The following ABCB1 variants were observed in gnomAD, a reference collection of about 807,000 sequenced individuals.
ABCB1 encodes ATP binding cassette subfamily B member 1, also known as ATP-dependent translocase ABCB1.
Under a neutral mutation model 142.0 loss-of-function variants are expected in ABCB1, and 69 were observed. That is an observed-to-expected ratio of 0.49 (90% CI 0.40 to 0.59). ABCB1 has a LOEUF of 0.59. Among genes scored for constraint, ABCB1 ranks in the 20% least tolerant of loss-of-function variants. ABCB1 has a pLI of 0.00. For missense variants in ABCB1, 1,326 were observed against 1,554.7 expected, an observed-to-expected ratio of 0.85 and a Z score of 2.47; for synonymous variants, 532 against 539.2, an observed-to-expected ratio of 0.99 and a Z score of 0.18.
At chr7:87,578,850 C>T (rs1238461798) in intron 4 of ABCB1, among the ~76,000 whole-genome samples, 4 of 151,648 alleles carry the variant, frequency 2.6e-5, no homozygotes, top group Admixed American at 1.3e-4. Context: ...CCCGCCACCA[C>T]GCCCGGCTAA....
chr7:87,593,371 G>A (rs1819073132), intron 3 of ABCB1, among the ~76,000 whole-genome samples: 1 of 152,124 alleles, frequency 6.6e-6, no homozygotes, highest in Admixed American at 6.5e-5. Flanking sequence ...AATTTAAAAG[G>A]CTAGTATAGA....
At chr7:87,527,281 C>T (rs758140157) in intron 21 of ABCB1, among the ~76,000 whole-genome samples, 8 of 152,112 alleles carry the variant, frequency 5.3e-5, no homozygotes, top group Non-Finnish European at 1.2e-4. Context: ...ATAGGTATGC[C>T]TTTCTCACAG....
chr7:87,627,620 A>AGT (rs1247757895), intron 1 of ABCB1: 1 of 152,280 alleles, frequency 6.6e-6, no homozygotes, highest in East Asian at 1.9e-4. Flanking sequence ...AACGGTGGGT[A>AGT]GTGAGAAGCT....
In ABCB1 at chr7:87,553,930, T is replaced by C; in HGVS notation, c.830A>G (p.Tyr277Cys). Residue 277 changes from tyrosine to cysteine, a missense_variant and splice_region_variant, in exon 9 of 28, where the codon TAC (tyrosine) becomes TGC (cysteine). Coordinates refer to ENST00000622132, the MANE Select transcript of ABCB1 (RefSeq NM_001348946.2). ...TTTAGCTTCTTCTAAATTTTTGTTGTACCTGAGAAAAAGAACAAAAATGAT... is the reference window on the plus strand; with the variant it reads ...TTTAGCTTCTTCTAAATTTTTGTTGCACCTGAGAAAAAGAACAAAAATGAT... ...FGGQKKELER[Y>C]NKNLEEAKRI... 6.2e-7 allele frequency: 1 copy of C among 1,612,280 alleles called. No individual in the cohort carries two copies. The highest frequency in any genetic ancestry group is 8.5e-7 in the Non-Finnish European group (1 of 1,178,362).
Position 87,521,789 on chromosome 7 carries a change from T to A in ABCB1, c.2686-913A>T. 3.8e-6 allele frequency: 3 copies of A among 795,812 alleles called. No individual in the cohort carries two copies. The East Asian group carries it at 7.3e-5, about 19-fold the overall frequency. The allele number at this position is 795,812 out of a possible 1,614,324, so 49.3% of individuals were successfully genotyped here. A position where few individuals can be genotyped will look rare whatever the true frequency, so the allele number is the denominator to read the frequency against. ...CACCCAACTGTGAAAAAGATATTTG[T>A]TGGTGGCATTAAAGACACTGAAGAA... On this transcript the variant is annotated intron_variant, in intron 21 of 27. Transcript: ENST00000622132.
Position 87,518,218 on chromosome 7 carries a change from C to T in ABCB1, c.2927+1108G>A, listed in dbSNP as rs551379618. ...GTTTAACTAGCACTAAATAAAATACCGATAGTTAATCTTGGACTTGTGATC... is the reference window on the plus strand; with the variant it reads ...GTTTAACTAGCACTAAATAAAATACTGATAGTTAATCTTGGACTTGTGATC... On this transcript the variant is annotated intron_variant, in intron 23 of 27. Coordinates refer to ENST00000622132, the MANE Select transcript of ABCB1 (RefSeq NM_001348946.2). 2.6e-5 allele frequency among the ~76,000 whole-genome samples: 4 copies of T among 152,190 alleles called. No homozygotes were observed. In the East Asian group the frequency reaches 5.8e-4, roughly 22 times the overall value.
At chr7:87,621,809 T>A (rs973376033) in intron 1 of ABCB1, among the ~76,000 whole-genome samples, 9 of 152,136 alleles carry the variant, frequency 5.9e-5, no homozygotes, top group Admixed American at 5.9e-4. Flanking sequence ...GAAACATTAA[T>A]GTTAGCTGTT....
intron 1 of ABCB1, among the ~76,000 whole-genome samples, chr7:87,658,207 A>G (rs1824315771): frequency 6.6e-6 from 1 of 152,212 alleles, no homozygotes. Context: ...TGGAAGATAC[A>G]AAGAAGACCA....
intron 14 of ABCB1, 89 bp from the exon 15 acceptor site, chr7:87,546,113 G>T: frequency 7.5e-7 from 1 of 1,325,838 alleles, no homozygotes; most frequent in Non-Finnish European, 1.1e-6. Flanking sequence ...AACCAATGCT[G>T]TGGGCATTGT....
chr7:87,676,715 A>G (rs1826399455), intron 1 of ABCB1, among the ~76,000 whole-genome samples: 1 of 151,278 alleles, frequency 6.6e-6, no homozygotes, highest in Non-Finnish European at 1.5e-5. Flanking sequence ...AAAAAAAAAA[A>G]AAAAAAAAAA....
In ABCB1 at chr7:87,509,500, A is replaced by G; in HGVS notation, c.3283-19T>C. ...CAAGCAGCTGAAAACAAGAGTTCACAGATCAACTTCAGGACCAGCACACTT... is the reference window on the plus strand; with the variant it reads ...CAAGCAGCTGAAAACAAGAGTTCACGGATCAACTTCAGGACCAGCACACTT... On this transcript the variant is annotated intron_variant, in intron 25 of 27. Coordinates refer to ENST00000622132, the MANE Select transcript of ABCB1 (RefSeq NM_001348946.2). 1 of 1,612,836 alleles carries G rather than the reference A, an allele frequency of 6.2e-7. No individual in the cohort carries two copies. The highest frequency in any genetic ancestry group is 8.5e-7 in the Non-Finnish European group (1 of 1,179,260).
intron 20 of ABCB1, among the ~76,000 whole-genome samples, chr7:87,533,188 A>G (rs1300792090): frequency 1.3e-5 from 2 of 152,140 alleles, no homozygotes. Context: ...TGAAGGTCAA[A>G]GGATGCAAGC....
chr7:87,560,888 T>A (rs956579641), intron 8 of ABCB1, among the ~76,000 whole-genome samples: 22 of 152,086 alleles, frequency 1.4e-4, no homozygotes, highest in African/African-American at 5.3e-4. Flanking sequence ...GTCAGCTGAA[T>A]AGGGGCAGAA....
intron 1 of ABCB1, among the ~76,000 whole-genome samples, chr7:87,622,801 AG>A (rs1820271660): frequency 6.6e-6 from 1 of 152,062 alleles, no homozygotes; most frequent in African/African-American, 2.4e-5. Context: ...GGGGCCAAGA[AG>A]GGAGGATCGC....
intron 1 of ABCB1, among the ~76,000 whole-genome samples, chr7:87,686,383 A>C (rs1827459207): frequency 6.6e-6 from 1 of 152,200 alleles, no homozygotes. Flanking sequence ...ACAAAGGAGT[A>C]TATCTGTTTT....
At chr7:87,592,039 T>TAG (rs1819019753) in intron 3 of ABCB1, among the ~76,000 whole-genome samples, 1 of 152,146 alleles carries the variant, frequency 6.6e-6, no homozygotes, top group Admixed American at 6.5e-5. Flanking sequence ...CCACTGAATG[T>TAG]AGAGAGAGAC....
rs201142514 is a variant in ABCB1 at position 87,536,539 on chromosome 7, A to G, written c.2400T>C (p.Asp800=). ...YMVFRSMLRQ[D]VSWFDDPKNT... is the part of the protein sequence containing the mutation. Reference sequence around the variant, plus strand: ...TTTTAGGGTCATCAAACCAACTCACATCCTGTGGCACAGAAAATGATTTTA... The same window carrying G: ...TTTTAGGGTCATCAAACCAACTCACGTCCTGTGGCACAGAAAATGATTTTA... Residue 800 remains aspartate, a splice_region_variant and synonymous_variant, in exon 20 of 28, where the codon GAT becomes GAC. Coordinates refer to ENST00000622132, the MANE Select transcript of ABCB1 (RefSeq NM_001348946.2). 5.0e-6 allele frequency: 8 copies of G among 1,613,682 alleles called. No homozygotes were observed. Among genetic ancestry groups the G allele is most frequent in the African/African-American group, 1.3e-5 (1 of 74,886 alleles).
chr7:87,547,116 C>T (rs1023904277), intron 14 of ABCB1, among the ~76,000 whole-genome samples: 1 of 152,170 alleles, frequency 6.6e-6, no homozygotes, highest in African/African-American at 2.4e-5. Context: ...TCCCAATGCT[C>T]ATAATTTTTG....
At chr7:87,595,860 T>TGTAC in intron 2 of ABCB1, 46 bp from the exon 3 acceptor site, 3 of 1,441,364 alleles carry the variant, frequency 2.1e-6, no homozygotes, top group Non-Finnish European at 2.9e-6. Context: ...AAAGTACATA[T>TGTAC]TTTTTAAATT....
Sources: gnomAD v4.1 joint callset for allele counts (sites outside exome capture counted in the v4.1 genomes callset) on GRCh38, gnomAD v4.1.1 for gene constraint, MANE v1.5 for transcripts, NCBI Gene and HGNC (gene_info 2026-07-23, HGNC 2026-07-21) for gene names.